Variants in FGF14 observed in about 807,000 individuals in gnomAD.
FGF14 encodes fibroblast growth factor 14.
Under a neutral mutation model 25.5 loss-of-function variants are expected in FGF14, and 5 were observed. The observed-to-expected ratio is 0.20, with a 90% CI of 0.10 to 0.41. FGF14 has a LOEUF of 0.41. Among genes scored for constraint, FGF14 ranks in the 10% least tolerant of loss-of-function variants. The probability of loss-of-function intolerance (pLI) is 1.00; values close to 1 mark genes in which losing one functional copy is unlikely to be tolerated. For missense variants in FGF14, 222 were observed against 320.1 expected (o/e 0.69, Z 2.34); for synonymous variants, 138 against 118.3 (o/e 1.17, Z -1.08).
intron 1 of FGF14, among the ~76,000 whole-genome samples, chr13:102,274,540 G>A (rs1198324014): frequency 6.6e-6 from 1 of 152,144 alleles, no homozygotes; most frequent in African/African-American, 2.4e-5. Context: ...CAGGTTGCAG[G>A]TGATGAATAA....
At chr13:102,123,575 C>T (rs1189085753) in intron 1 of FGF14, among the ~76,000 whole-genome samples, 1 of 139,842 alleles carries the variant, frequency 7.2e-6, no homozygotes, top group African/African-American at 2.8e-5. Context: ...AAATGTTATA[C>T]AGTTTTCCAA....
At chr13:102,370,497 C>T (rs1204744816) in intron 1 of FGF14, among the ~76,000 whole-genome samples, 1 of 151,364 alleles carries the variant, frequency 6.6e-6, no homozygotes, top group African/African-American at 2.4e-5. Flanking sequence ...TTGATCCTCC[C>T]ACCTCGGCCT....
At chr13:101,798,032 T>C (rs1313099519) in intron 3 of FGF14, among the ~76,000 whole-genome samples, 1 of 152,142 alleles carries the variant, frequency 6.6e-6, no homozygotes, top group Non-Finnish European at 1.5e-5. Context: ...TGTTCTTCGA[T>C]AAGCTGTAGT....
At chr13:101,842,895 A>G (rs1244583517) in intron 3 of FGF14, among the ~76,000 whole-genome samples, 1 of 152,102 alleles carries the variant, frequency 6.6e-6, no homozygotes, top group Non-Finnish European at 1.5e-5. Flanking sequence ...ACCTTTGAGG[A>G]TAAAAGAGGG....
At position 101,916,693 on chromosome 13, in the gene FGF14, G is replaced by A. The variant is rs772204494; in HGVS notation, c.-48C>T. On this transcript the variant is annotated 5_prime_UTR_variant, in exon 1 of 5. Transcript: ENST00000376143. Reference sequence around the variant, plus strand: ...GGGAGGGAGGGCGCGGGAGGACGGCGAGCCGGGGGCACCGGAGGGGAAGGC... The same window carrying A: ...GGGAGGGAGGGCGCGGGAGGACGGCAAGCCGGGGGCACCGGAGGGGAAGGC... The A allele has an allele frequency of 4.6e-5, 66 of 1,438,402 alleles. No individual in the cohort carries two copies. Among genetic ancestry groups the A allele is most frequent in the East Asian group, 1.3e-4 (5 of 39,582 alleles). The allele number at this position is 1,438,402 out of a possible 1,614,324, so 89.1% of individuals were successfully genotyped here.
Position 101,941,339 on chromosome 13 carries a change from C to A in FGF14, c.209-66043G>T, listed in dbSNP as rs990401567. 1.2e-4 allele frequency among the ~76,000 whole-genome samples: 19 copies of A among 152,204 alleles called. 1 individual carries two copies. The highest frequency in any genetic ancestry group is 2.6e-4 in the Non-Finnish European group (18 of 68,038). On this transcript the variant is annotated intron_variant, in intron 1 of 4. Coordinates refer to the FGF14 transcript ENST00000376131. ...AGATTCCACACTAGCTCTTAACTGG[C>A]CAAGCTATATTTCTATAACTAGAAT...
intron 3 of FGF14, among the ~76,000 whole-genome samples, chr13:101,772,194 CAA>C (rs1239597289): frequency 6.6e-6 from 1 of 151,952 alleles, no homozygotes; most frequent in African/African-American, 2.4e-5. Flanking sequence ...ACAAATAACT[CAA>C]GTTCAAAGAC....
chr13:102,049,331 T>G (rs1187873429), intron 1 of FGF14, among the ~76,000 whole-genome samples: 1 of 152,176 alleles, frequency 6.6e-6, no homozygotes, highest in African/African-American at 2.4e-5. Flanking sequence ...GAAAATCAAA[T>G]TTTTATTGAC....
At chr13:101,810,907 T>G (rs939246972) in intron 3 of FGF14, among the ~76,000 whole-genome samples, 1 of 152,048 alleles carries the variant, frequency 6.6e-6, no homozygotes, top group East Asian at 1.9e-4. Flanking sequence ...ACACTTAATC[T>G]TTACTGGTTT....
chr13:102,115,671 G>A (rs2045435258), intron 1 of FGF14, among the ~76,000 whole-genome samples: 1 of 152,174 alleles, frequency 6.6e-6, no homozygotes, highest in African/African-American at 2.4e-5. Flanking sequence ...CAGACACTGA[G>A]AACTGCTTGA....
intron 3 of FGF14, among the ~76,000 whole-genome samples, chr13:101,830,697 A>C (rs1046207279): frequency 6.6e-6 from 1 of 152,088 alleles, no homozygotes; most frequent in African/African-American, 2.4e-5. Flanking sequence ...TAGCATTGTA[A>C]CATAAGCTTA....
At chr13:101,769,927 C>G (rs2038652493) in intron 3 of FGF14, among the ~76,000 whole-genome samples, 1 of 152,064 alleles carries the variant, frequency 6.6e-6, no homozygotes, top group African/African-American at 2.4e-5. Flanking sequence ...TGTATAACAC[C>G]AAGGATAAAC....
intron 3 of FGF14, among the ~76,000 whole-genome samples, chr13:101,815,992 C>T (rs2041823543): frequency 7.4e-6 from 1 of 134,498 alleles, no homozygotes; most frequent in South Asian, 2.5e-4. Flanking sequence ...GTTGGCTTGG[C>T]CGGGCGCGGT....
intron 3 of FGF14, among the ~76,000 whole-genome samples, chr13:101,853,521 T>C (rs1355535813): frequency 1.3e-5 from 2 of 152,096 alleles, no homozygotes; most frequent in Non-Finnish European, 2.9e-5. Context: ...GGCATGATCA[T>C]GGCTCATTGT....
At chr13:102,182,319 A>T (rs1176806144) in intron 1 of FGF14, among the ~76,000 whole-genome samples, 3 of 151,964 alleles carry the variant, frequency 2.0e-5, no homozygotes, top group Non-Finnish European at 4.4e-5. Flanking sequence ...AAGACAGCAG[A>T]CTCTACCTCA....
At chr13:101,778,136 G>A (rs2039252487) in intron 3 of FGF14, among the ~76,000 whole-genome samples, 1 of 152,138 alleles carries the variant, frequency 6.6e-6, no homozygotes, top group Non-Finnish European at 1.5e-5. Context: ...AAGTCCGGCT[G>A]CCAAATTATT....
At chr13:102,022,623 T>C (rs562160829) in intron 1 of FGF14, among the ~76,000 whole-genome samples, 193 of 152,190 alleles carry the variant, frequency 1.3e-3, no homozygotes, top group African/African-American at 4.4e-3. Flanking sequence ...CCAATACATT[T>C]ATTCAGTTTA....
chr13:102,368,473 T>C (rs2057780660), intron 1 of FGF14, among the ~76,000 whole-genome samples: 1 of 152,192 alleles, frequency 6.6e-6, no homozygotes, highest in Non-Finnish European at 1.5e-5. Context: ...TCCCTGGAAT[T>C]ATGACCACGG....
chr13:101,766,649 A>C (rs533254075), intron 3 of FGF14, among the ~76,000 whole-genome samples: 1 of 152,296 alleles, frequency 6.6e-6, no homozygotes, highest in African/African-American at 2.4e-5. Context: ...TGGAACTCTG[A>C]ATATGACTTT....
Sources: allele counts gnomAD v4.1 joint callset (sites outside exome capture counted in the v4.1 genomes callset), GRCh38; gene constraint gnomAD v4.1.1; transcripts MANE v1.5; gene names NCBI Gene and HGNC (gene_info 2026-07-23, HGNC 2026-07-21).